The following PPARG variants were observed in gnomAD, a reference collection of about 807,000 sequenced individuals.
PPARG encodes the protein peroxisome proliferator activated receptor gamma.
Under a neutral mutation model 39.2 loss-of-function variants are expected in PPARG, and 17 were observed. The observed-to-expected ratio is 0.43, with a 90% CI of 0.30 to 0.65. The LOEUF is 0.65. Among genes scored for constraint, PPARG ranks in the 30% least tolerant of loss-of-function variants. The pLI is 0.13. For missense variants in PPARG, 406 were observed against 585.9 expected (o/e 0.69, Z 3.17); for synonymous variants, 223 against 215.7 (o/e 1.03, Z -0.30).
intron 1 of PPARG, among the ~76,000 whole-genome samples, chr3:12,296,982 T>C (rs1011928682): frequency 2.3e-4 from 35 of 152,330 alleles, no homozygotes; most frequent in African/African-American, 7.2e-4. Flanking sequence ...CTCATATATA[T>C]CTGATGTCAC....
intron 1 of PPARG, among the ~76,000 whole-genome samples, chr3:12,303,189 C>T (rs2046972453): frequency 6.6e-6 from 1 of 151,974 alleles, no homozygotes; most frequent in South Asian, 2.1e-4. Context: ...ATGACTGACT[C>T]CTGTAGGGCA....
chr3:12,350,546 A>G (rs1193476916), intron 2 of PPARG, among the ~76,000 whole-genome samples: 1 of 152,194 alleles, frequency 6.6e-6, no homozygotes, highest in East Asian at 1.9e-4. Flanking sequence ...TGCAATTCTA[A>G]TAGGCCACTC....
chr3:12,375,653 T>A (rs150129150), intron 2 of PPARG, among the ~76,000 whole-genome samples: 1 of 152,278 alleles, frequency 6.6e-6, no homozygotes, highest in East Asian at 1.9e-4. Flanking sequence ...TGGAATGACC[T>A]GGGTTAGACA....
chr3:12,433,525 A>G (rs1314880368), intron 7 of PPARG, among the ~76,000 whole-genome samples: 1 of 149,762 alleles, frequency 6.7e-6, no homozygotes, highest in Non-Finnish European at 1.5e-5. Flanking sequence ...ATGACAGAGC[A>G]AGACTCCATC....
chr3:12,422,143 C>G (rs1244068597), intron 7 of PPARG, among the ~76,000 whole-genome samples: 1 of 152,096 alleles, frequency 6.6e-6, no homozygotes, highest in Admixed American at 6.5e-5. Context: ...CTAGTGCTAG[C>G]CCAGAATAAG....
At chr3:12,417,901 CCTT>C (rs2051129738) in intron 7 of PPARG, among the ~76,000 whole-genome samples, 3 of 46,156 alleles carry the variant, frequency 6.5e-5, no homozygotes, top group East Asian at 5.0e-4. Flanking sequence ...TTTTTTTTTT[CCTT>C]TTTTTTTTTT....
At chr3:12,304,318 A>C (rs188316054) in intron 1 of PPARG, among the ~76,000 whole-genome samples, 17 of 152,330 alleles carry the variant, frequency 1.1e-4, no homozygotes, top group Non-Finnish European at 2.2e-4. Flanking sequence ...TTATTATTCA[A>C]CTTATGTGAC....
In PPARG at chr3:12,372,795, A is replaced by G. The variant is rs138027567; in HGVS notation, c.-8-6909A>G. Reference sequence around the variant, plus strand: ...AAATTGGTTGTATTTTTGTTGCACTACTTCATCCTTTGAGTATTGTGAAAA... The same window carrying G: ...AAATTGGTTGTATTTTTGTTGCACTGCTTCATCCTTTGAGTATTGTGAAAA... On this transcript the variant is annotated intron_variant, in intron 2 of 7. Coordinates refer to ENST00000651735, the MANE Select transcript of PPARG (RefSeq NM_138711.6). Among the ~76,000 whole-genome samples the G allele has an allele frequency of 5.3e-3, 804 of 152,290 alleles. 16 individuals are homozygous for G. Among genetic ancestry groups the G allele is most frequent in the African/African-American group, 0.018 (749 of 41,566 alleles).
intron 2 of PPARG, among the ~76,000 whole-genome samples, chr3:12,369,906 C>T (rs1016184278): frequency 9.2e-5 from 14 of 152,300 alleles, no homozygotes; most frequent in African/African-American, 3.4e-4. Context: ...TCAGACATAT[C>T]GGGCATTCTG....
intron 4 of PPARG, among the ~76,000 whole-genome samples, chr3:12,387,494 T>C (rs1041879541): frequency 3.9e-5 from 6 of 152,240 alleles, no homozygotes; most frequent in African/African-American, 1.4e-4. Flanking sequence ...TTTTTTCATA[T>C]GTCTGTTGGC....
At chr3:12,364,507 A>G (rs115881710) in intron 2 of PPARG, among the ~76,000 whole-genome samples, 2,035 of 152,316 alleles carry the variant, frequency 0.013, 28 homozygotes, top group Non-Finnish European at 0.021. Flanking sequence ...TAGAGATGCT[A>G]TAAACACCTG....
intron 7 of PPARG, among the ~76,000 whole-genome samples, chr3:12,423,172 C>G (rs1247271450): frequency 6.6e-6 from 1 of 152,238 alleles, no homozygotes; most frequent in African/African-American, 2.4e-5. Flanking sequence ...GTAAACACAT[C>G]TCTGCTTAAT....
chr3:12,356,366 A>G (rs183586379), intron 2 of PPARG, among the ~76,000 whole-genome samples: 390 of 152,328 alleles, frequency 2.6e-3, no homozygotes, highest in African/African-American at 8.6e-3. Flanking sequence ...TCACGTGGCT[A>G]TTTGAGTACA....
chr3:12,292,802 G>T (rs921096802), intron 1 of PPARG, among the ~76,000 whole-genome samples: 2 of 152,172 alleles, frequency 1.3e-5, no homozygotes, highest in African/African-American at 2.4e-5. Context: ...GAAGAGGCTT[G>T]TGTGCGTGGG....
chr3:12,381,714 T>C (rs1432195642), intron 4 of PPARG, among the ~76,000 whole-genome samples: 1 of 146,526 alleles, frequency 6.8e-6, no homozygotes, highest in African/African-American at 2.6e-5. Context: ...AAGGATGATA[T>C]AAGATTTGAA....
chr3:12,317,335 T>C lies in PPARG; in HGVS notation c.-9+4882T>C, dbSNP rs535699466. Among the ~76,000 whole-genome samples, 27 of 152,326 alleles carry C rather than the reference T, an allele frequency of 1.8e-4. 1 individual carries two copies. The highest frequency in any genetic ancestry group is 3.3e-4 in the Admixed American group (5 of 15,298). On this transcript the variant is annotated intron_variant, in intron 2 of 7. Coordinates refer to ENST00000651735, the MANE Select transcript of PPARG (RefSeq NM_138711.6). ...TTCATTTTTATTACTAAAAAGCTGA[T>C]TTTTTAAAATAAAAAGATCACAACC...
intron 1 of PPARG, among the ~76,000 whole-genome samples, chr3:12,298,324 A>AAAAAAG (rs764771478): frequency 2.5e-4 from 34 of 134,726 alleles, no homozygotes; most frequent in African/African-American, 8.1e-4. Flanking sequence ...AAAAAAAAAA[A>AAAAAAG]AAAGAAATGT....
chr3:12,384,817 G>T (rs1263924632), intron 4 of PPARG, among the ~76,000 whole-genome samples: 2 of 152,140 alleles, frequency 1.3e-5, no homozygotes, highest in Non-Finnish European at 2.9e-5. Context: ...CTAATGGAAT[G>T]TTTGCTTATG....
At chr3:12,387,465 T>C (rs1336526150) in intron 4 of PPARG, among the ~76,000 whole-genome samples, 1 of 152,236 alleles carries the variant, frequency 6.6e-6, no homozygotes, top group African/African-American at 2.4e-5. Flanking sequence ...ATTTCTCTGA[T>C]GGCCAGTGAT....
Sources: gnomAD v4.1 joint callset for allele counts (sites outside exome capture counted in the v4.1 genomes callset) on GRCh38, gnomAD v4.1.1 for gene constraint, MANE v1.5 for transcripts, NCBI Gene and HGNC (gene_info 2026-07-23, HGNC 2026-07-21) for gene names.